The following ZPLD1 variants were observed in gnomAD, a reference collection of about 807,000 sequenced individuals.
The protein encoded by ZPLD1 is zona pellucida like domain containing 1, also known as zona pellucida-like domain-containing protein 1.
A neutral mutation model predicts 47.2 loss-of-function variants in ZPLD1; 34 were observed. That is an observed-to-expected ratio of 0.72 (90% CI 0.55 to 0.96). ZPLD1 has a LOEUF of 0.96. Among genes scored for constraint, ZPLD1 ranks in the 40% least tolerant of loss-of-function variants. ZPLD1 has a pLI of 0.00. For missense variants in ZPLD1, 512 were observed against 505.8 expected, an observed-to-expected ratio of 1.01 and a Z score of -0.12; for synonymous variants, 176 against 186.2, an observed-to-expected ratio of 0.95 and a Z score of 0.45.
intron 4 of ZPLD1, among the ~76,000 whole-genome samples, 191 bp downstream of exon 4, chr3:102,453,330 T>C (rs1707367982): frequency 1.3e-5 from 2 of 152,220 alleles, no homozygotes; most frequent in Admixed American, 6.5e-5. Context: ...GTTATGTTTA[T>C]AGTAGTGGGG....
intron 1 of ZPLD1, 61 bp downstream of exon 1, chr3:102,435,215 T>C: frequency 6.3e-7 from 1 of 1,580,284 alleles, no homozygotes. Context: ...TAACTTACAG[T>C]TGAACTATAA....
chr3:102,456,468 T>C, intron 5 of ZPLD1, 94 bp downstream of exon 5: 1 of 1,065,850 alleles, frequency 9.4e-7, no homozygotes, highest in African/African-American at 1.6e-5. Context: ...CAGGATTTAT[T>C]AAAAATAGTT....
chr3:102,422,455 C>T (rs1275083635), intron 8 of ZPLD1, among the ~76,000 whole-genome samples: 1 of 151,996 alleles, frequency 6.6e-6, no homozygotes, highest in Non-Finnish European at 1.5e-5. Context: ...ATCAATAGTG[C>T]CAGCTTTGAG....
intron 10 of ZPLD1, among the ~76,000 whole-genome samples, chr3:102,473,579 G>A (rs116407073): frequency 2.6e-5 from 4 of 151,962 alleles, no homozygotes; most frequent in African/African-American, 4.8e-5. Context: ...ATTCTCTCTC[G>A]AATTATTTTT....
intron 10 of ZPLD1, among the ~76,000 whole-genome samples, chr3:102,472,999 AAAGTCGTATCTT>A (rs1707707679): frequency 1.3e-5 from 2 of 152,326 alleles, no homozygotes; most frequent in Admixed American, 1.3e-4. Flanking sequence ...AAGGAAGAGC[AAAGTCGTATCTT>A]AAATGGTGGC....
At chr3:102,450,850 T>C (rs1012374949) in intron 3 of ZPLD1, among the ~76,000 whole-genome samples, 1 of 152,174 alleles carries the variant, frequency 6.6e-6, no homozygotes, top group Non-Finnish European at 1.5e-5. Context: ...TAAAATAAAC[T>C]GTATTATTTT....
At chr3:102,471,189 G>GT (rs1707680036) in intron 10 of ZPLD1, among the ~76,000 whole-genome samples, 1 of 152,124 alleles carries the variant, frequency 6.6e-6, no homozygotes, top group African/African-American at 2.4e-5. Flanking sequence ...TTGCCCTCTA[G>GT]TTTCTGGTTG....
At chr3:102,400,487 G>T (rs994073195) in intron 7 of ZPLD1, among the ~76,000 whole-genome samples, 1 of 151,868 alleles carries the variant, frequency 6.6e-6, no homozygotes, top group Non-Finnish European at 1.5e-5. Flanking sequence ...GGGATAAGCC[G>T]GGGGTCCCTT....
At chr3:102,429,873 G>A (rs1160891070) in intron 8 of ZPLD1, among the ~76,000 whole-genome samples, 5 of 152,148 alleles carry the variant, frequency 3.3e-5, no homozygotes, top group Non-Finnish European at 5.9e-5. Flanking sequence ...GGCTGTATTA[G>A]ACTCTGTTAT....
intron 5 of ZPLD1, 137 bp downstream of exon 5, chr3:102,456,511 G>A (rs113267774): frequency 1.4e-5 from 10 of 722,416 alleles, no homozygotes; most frequent in African/African-American, 1.1e-4. Context: ...AACATATTAT[G>A]TCTAATATAT....
rs1485945481 is a variant in ZPLD1 at position 102,426,111 on chromosome 3, TACACACACACACACACACATGCACACAC to T, written c.-9+7939_-9+7966del. 1.2e-4 allele frequency among the ~76,000 whole-genome samples: 17 copies of T among 144,208 alleles called. No individual in the cohort carries two copies. The East Asian group carries it at 1.6e-3, about 13-fold the overall frequency. 94.6% of individuals were successfully genotyped at this position (144,208 alleles called of 152,430 possible). On this transcript the variant is annotated intron_variant, in intron 8 of 17. Coordinates refer to the ZPLD1 transcript ENST00000491959. Reference sequence around the variant, plus strand: ...ATCTTTAACATTTTGACATATTTCCTACACACACACACACACACATGCACACACACACACACACACACACACATGCACA... The same window carrying T: ...ATCTTTAACATTTTGACATATTTCCTACACACACACACACACACATGCACA...
intron 7 of ZPLD1, among the ~76,000 whole-genome samples, chr3:102,403,600 A>C (rs764878091): frequency 1.3e-5 from 2 of 151,934 alleles, no homozygotes; most frequent in Non-Finnish European, 2.9e-5. Flanking sequence ...TCAGTAACCC[A>C]TTTTTGGGCT....
At chr3:102,425,335 T>G (rs1253292397) in intron 8 of ZPLD1, among the ~76,000 whole-genome samples, 1 of 152,136 alleles carries the variant, frequency 6.6e-6, no homozygotes, top group African/African-American at 2.4e-5. Context: ...CAAAATACTA[T>G]GAAATGTATT....
At chr3:102,388,102 C>T (rs183721831) in intron 6 of ZPLD1, among the ~76,000 whole-genome samples, 109 of 152,082 alleles carry the variant, frequency 7.2e-4, no homozygotes, top group African/African-American at 2.0e-3. Context: ...CCTCGTGATC[C>T]GCCCGCCTCG....
At chr3:102,404,238 C>T (rs186669895) in intron 7 of ZPLD1, among the ~76,000 whole-genome samples, 13 of 151,990 alleles carry the variant, frequency 8.6e-5, no homozygotes, top group Admixed American at 2.0e-4. Context: ...ATTGGATATG[C>T]GTGTAAATAA....
intron 7 of ZPLD1, among the ~76,000 whole-genome samples, chr3:102,409,078 G>A (rs2107297645): frequency 6.6e-6 from 1 of 151,860 alleles, no homozygotes; most frequent in South Asian, 2.1e-4. Context: ...ATACACAATA[G>A]GAGTTTACTT....
intron 8 of ZPLD1, among the ~76,000 whole-genome samples, chr3:102,467,249 A>G (rs905986022): frequency 1.4e-4 from 22 of 152,158 alleles, no homozygotes; most frequent in African/African-American, 5.1e-4. Context: ...TCAAAAATGA[A>G]AATATGAACC....
At chr3:102,420,155 G>T (rs1339188964) in intron 8 of ZPLD1, among the ~76,000 whole-genome samples, 1 of 151,894 alleles carries the variant, frequency 6.6e-6, no homozygotes, top group African/African-American at 2.4e-5. Flanking sequence ...AGACCTCAAT[G>T]ATGAGGCAAA....
At chr3:102,423,658 A>G (rs1706906920) in intron 8 of ZPLD1, among the ~76,000 whole-genome samples, 1 of 152,092 alleles carries the variant, frequency 6.6e-6, no homozygotes, top group Non-Finnish European at 1.5e-5. Context: ...GCTTTCTGAC[A>G]TTATTACAGT....
Sources: gnomAD v4.1 joint callset for allele counts (sites outside exome capture counted in the v4.1 genomes callset) on GRCh38, gnomAD v4.1.1 for gene constraint, MANE v1.5 for transcripts, NCBI Gene and HGNC (gene_info 2026-07-23, HGNC 2026-07-21) for gene names.